ARHGEF3: variants seen among roughly 807,000 people sequenced by gnomAD.
ARHGEF3 encodes the protein 59.8 kDA protein.
A neutral mutation model predicts 63.2 loss-of-function variants in ARHGEF3; 28 were observed. The observed-to-expected ratio is 0.44, with a 90% CI of 0.33 to 0.61. The LOEUF is 0.61. Among genes scored for constraint, ARHGEF3 ranks in the 20% least tolerant of loss-of-function variants. The pLI, the probability that ARHGEF3 is intolerant of heterozygous loss-of-function variation, is 0.03. For synonymous variants in ARHGEF3, 266 were observed against 254.2 expected (o/e 1.05, Z -0.44); for missense variants, 533 against 659.3 (o/e 0.81, Z 2.10).
intron 3 of ARHGEF3, among the ~76,000 whole-genome samples, chr3:56,890,109 G>A (rs72870528): frequency 6.6e-6 from 1 of 152,076 alleles, no homozygotes; most frequent in African/African-American, 2.4e-5. Context: ...AATCATATGT[G>A]TTTTAAAACA....
chr3:56,819,495 G>A (rs1378319185), intron 4 of ARHGEF3, among the ~76,000 whole-genome samples: 2 of 148,956 alleles, frequency 1.3e-5, no homozygotes, highest in Non-Finnish European at 3.0e-5. Flanking sequence ...AATTAACCAT[G>A]TTCTACCAGG....
In ARHGEF3 at chr3:56,727,996, A is replaced by G. The variant is rs1390713449; in HGVS notation, c.*1274T>C. On this transcript the variant is annotated 3_prime_UTR_variant, in exon 10 of 10. Coordinates refer to ENST00000296315, the MANE Select transcript of ARHGEF3 (RefSeq NM_019555.3). ...AATTACCACTAGTGCTGGTGTGGGT[A>G]TAATTTTGCACAGGTCATCCTTAAT... 1.3e-5 allele frequency: 2 copies of G among 152,638 alleles called. No homozygotes were observed. 9.5% of individuals were successfully genotyped at this position (152,638 alleles called of 1,614,324 possible).
At chr3:56,848,997 T>G (rs1014356265) in intron 4 of ARHGEF3, among the ~76,000 whole-genome samples, 3 of 152,240 alleles carry the variant, frequency 2.0e-5, no homozygotes, top group African/African-American at 7.2e-5. Context: ...ACACTTGATG[T>G]ACCAGCGGCT....
chr3:56,885,251 T>C (rs2040883380), intron 3 of ARHGEF3, among the ~76,000 whole-genome samples: 1 of 152,124 alleles, frequency 6.6e-6, no homozygotes, highest in Admixed American at 6.5e-5. Flanking sequence ...CCTGAGATCT[T>C]GGGAGGTATC....
chr3:56,899,367 G>A (rs1176788345), intron 3 of ARHGEF3, among the ~76,000 whole-genome samples: 1 of 152,170 alleles, frequency 6.6e-6, no homozygotes, highest in African/African-American at 2.4e-5. Flanking sequence ...ATTGTCCATC[G>A]TAAATCCCTC....
At chr3:56,890,294 C>T (rs1560024963) in intron 3 of ARHGEF3, among the ~76,000 whole-genome samples, 2 of 152,148 alleles carry the variant, frequency 1.3e-5, no homozygotes. Flanking sequence ...ATGTGCCAGG[C>T]AGGTTCTAAG....
At chr3:56,965,166 G>A (rs1324140073) in intron 2 of ARHGEF3, among the ~76,000 whole-genome samples, 3 of 152,142 alleles carry the variant, frequency 2.0e-5, no homozygotes, top group Non-Finnish European at 4.4e-5. Context: ...GAGGTGGGAG[G>A]ACTGCTTGAG....
At chr3:56,768,683 AG>A (rs67192493) in intron 2 of ARHGEF3, among the ~76,000 whole-genome samples, 24,605 of 137,148 alleles carry the variant, frequency 0.18, 3,591 homozygotes, top group African/African-American at 0.4. Context: ...AAAAAAAAAA[AG>A]AAGAAGATGA....
At chr3:56,825,699 T>C (rs779806913) in intron 4 of ARHGEF3, among the ~76,000 whole-genome samples, 8 of 152,226 alleles carry the variant, frequency 5.3e-5, no homozygotes, top group Non-Finnish European at 1.0e-4. Context: ...TTCAAGACTT[T>C]CATTGTTTGT....
intron 1 of ARHGEF3, among the ~76,000 whole-genome samples, chr3:57,055,536 C>G (rs1368526238): frequency 6.6e-6 from 1 of 152,146 alleles, no homozygotes; most frequent in Non-Finnish European, 1.5e-5. Flanking sequence ...TCTTTATTAT[C>G]TTCTAGAAAC....
intron 4 of ARHGEF3, among the ~76,000 whole-genome samples, chr3:56,838,668 C>T (rs1224202754): frequency 6.6e-6 from 1 of 152,116 alleles, no homozygotes; most frequent in African/African-American, 2.4e-5. Context: ...CAGCTGACAG[C>T]TTAGTAATGA....
chr3:56,951,044 C>T lies in ARHGEF3; in HGVS notation c.129+7779G>A, dbSNP rs545163073. Among the ~76,000 whole-genome samples, 20 of 151,758 alleles carry T rather than the reference C, an allele frequency of 1.3e-4. 1 individual carries two copies. Among genetic ancestry groups the T allele is most frequent in the East Asian group, 1.9e-4 (1 of 5,172 alleles). ...TATCGCAAGGACAAAAAACCAAACA[C>T]GGCATGTTCTCACTCATAGGTGGGA... On this transcript the variant is annotated intron_variant, in intron 3 of 12. Coordinates refer to the ARHGEF3 transcript ENST00000338458.
At chr3:56,986,733 G>A (rs1579026276) in intron 2 of ARHGEF3, among the ~76,000 whole-genome samples, 2 of 152,044 alleles carry the variant, frequency 1.3e-5, no homozygotes, top group South Asian at 4.2e-4. Context: ...GGTAGTAGTG[G>A]GGGTAGTCAC....
At chr3:57,062,992 T>C (rs1286442071) in intron 1 of ARHGEF3, among the ~76,000 whole-genome samples, 2 of 152,038 alleles carry the variant, frequency 1.3e-5, no homozygotes, top group African/African-American at 2.4e-5. Context: ...ACACCTTATA[T>C]TGGATAACGA....
intron 2 of ARHGEF3, among the ~76,000 whole-genome samples, chr3:57,008,928 T>A (rs75108591): frequency 0.012 from 1,879 of 152,360 alleles, 37 homozygotes; most frequent in African/African-American, 0.043. Flanking sequence ...CATTTCAAAG[T>A]CCAGATGGCT....
At chr3:56,840,209 G>T (rs1423738464) in intron 4 of ARHGEF3, among the ~76,000 whole-genome samples, 1 of 152,174 alleles carries the variant, frequency 6.6e-6, no homozygotes, top group Non-Finnish European at 1.5e-5. Flanking sequence ...GGCATGCAGT[G>T]CCTAGGAGAG....
chr3:56,763,044 G>A (rs2035509459), intron 2 of ARHGEF3, among the ~76,000 whole-genome samples: 1 of 152,188 alleles, frequency 6.6e-6, no homozygotes, highest in Non-Finnish European at 1.5e-5. Flanking sequence ...GAGTGCAATT[G>A]TTTGACTCCA....
intron 2 of ARHGEF3, among the ~76,000 whole-genome samples, chr3:56,999,821 A>G (rs1392747417): frequency 6.6e-6 from 1 of 152,232 alleles, no homozygotes; most frequent in Non-Finnish European, 1.5e-5. Flanking sequence ...TTTTCTGCTC[A>G]TATTGCCCTT....
chr3:56,865,578 C>T (rs897824591), intron 4 of ARHGEF3, among the ~76,000 whole-genome samples: 2 of 152,120 alleles, frequency 1.3e-5, no homozygotes, highest in African/African-American at 2.4e-5. Flanking sequence ...TTTTTCTCTC[C>T]TCTATGGAAG....
Sources: gnomAD v4.1 joint callset for allele counts (sites outside exome capture counted in the v4.1 genomes callset) on GRCh38, gnomAD v4.1.1 for gene constraint, MANE v1.5 for transcripts, NCBI Gene and HGNC (gene_info 2026-07-23, HGNC 2026-07-21) for gene names.